The following MILR1 variants were observed in gnomAD, a reference collection of about 807,000 sequenced individuals.
MILR1 encodes allergin-1.
Under a neutral mutation model 18.5 loss-of-function variants are expected in MILR1, and 31 were observed. That is an observed-to-expected ratio of 1.68 (90% CI 1.26 to 2.26). MILR1 has a LOEUF of 2.26. Among genes scored for constraint, MILR1 ranks in the 30% most tolerant of loss-of-function variants. The pLI, the probability that MILR1 is intolerant of heterozygous loss-of-function variation, is 0.00. For synonymous variants in MILR1, 85 were observed against 56.2 expected (o/e 1.51, Z -2.30); for missense variants, 257 against 157.4 (o/e 1.63, Z -3.38).
At chr17:64,451,286 T>G (rs1200724700) in intron 2 of MILR1, among the ~76,000 whole-genome samples, 1 of 151,890 alleles carries the variant, frequency 6.6e-6, no homozygotes, top group Non-Finnish European at 1.5e-5. Flanking sequence ...GCCATACAGG[T>G]ACGCACCATC....
chr17:64,474,326 C>CA, the MILR1 span, among the ~76,000 whole-genome samples: 1 of 152,244 alleles, frequency 6.6e-6, no homozygotes, highest in East Asian at 1.9e-4. Flanking sequence ...CCACCCACCT[C>CA]AGTCTCCCAA....
chr17:64,461,555 T>A (rs1256669453), intron 5 of MILR1, among the ~76,000 whole-genome samples: 1 of 152,184 alleles, frequency 6.6e-6, no homozygotes, highest in African/African-American at 2.4e-5. Flanking sequence ...GGCTGCATCT[T>A]GAAATTCTTC....
At chr17:64,495,127 G>A in the MILR1 span, among the ~76,000 whole-genome samples, 2 of 146,308 alleles carry the variant, frequency 1.4e-5, no homozygotes, top group African/African-American at 5.1e-5. Context: ...GCAGTGAGCC[G>A]AGATTGTGCC....
intron 5 of MILR1, among the ~76,000 whole-genome samples, chr17:64,464,737 A>G (rs546607319): frequency 6.6e-6 from 1 of 152,244 alleles, no homozygotes; most frequent in East Asian, 1.9e-4. Context: ...AGCCTGGCTA[A>G]CATGGTGAAG....
chr17:64,456,161 G>A (rs1250777777), intron 3 of MILR1, among the ~76,000 whole-genome samples: 4 of 152,124 alleles, frequency 2.6e-5, no homozygotes, highest in Non-Finnish European at 5.9e-5. Flanking sequence ...TCTCTCTGAA[G>A]CACAGTTGGT....
chr17:64,470,370 A>G (rs2037669222), downstream of MILR1, among the ~76,000 whole-genome samples: 1 of 152,262 alleles, frequency 6.6e-6, no homozygotes, highest in African/African-American at 2.4e-5. Context: ...CTGGGATTAC[A>G]GGCATGAGCT....
rs782418988 is a variant in MILR1, at chr17:64,466,577, C to T, written c.911-17C>T. 1 of 1,610,970 alleles carries T rather than the reference C, an allele frequency of 6.2e-7. No individual in the cohort carries two copies. Among genetic ancestry groups the T allele is most frequent in the South Asian group, 1.1e-5 (1 of 90,418 alleles). On this transcript the variant is annotated splice_polypyrimidine_tract_variant and intron_variant, in intron 7 of 9. Transcript: ENST00000619286. ...CATAATTGGCCCAATAATTCCTATT[C>T]CTTATCTTTTGCCCAGAGGCCAAAC... is the stretch of plus-strand genomic sequence containing the variant.
At position 64,452,825 on chromosome 17, in the gene MILR1, G is replaced by A. The variant is rs1489475171; in HGVS notation, c.326G>A (p.Ser109Asn). ...TACAAATGCAAAGCCCAAGTTACCA[G>A]CTGTTCAAAATACAGTCGTGACTTC... ...GPYKCKAQVTSCSKYSRDFSF... is the reference protein window; with the variant it reads ...GPYKCKAQVTNCSKYSRDFSF... The change falls in exon 3 of 10, where the codon AGC (serine) becomes AAC (asparagine). Residue 109 changes from serine (S) to asparagine (N), a missense_variant. Coordinates refer to ENST00000619286, the MANE Select transcript of MILR1 (RefSeq NM_001085423.2). 2.1e-6 allele frequency: 1 copy of A among 475,114 alleles called. No individual in the cohort carries two copies. The highest frequency in any genetic ancestry group is 3.9e-6 in the Non-Finnish European group (1 of 259,030). The allele number at this position is 475,114 out of a possible 1,614,324, so 29.4% of individuals were successfully genotyped here. A position where few individuals can be genotyped will look rare whatever the true frequency, so the allele number is the denominator to read the frequency against.
the MILR1 span, chr17:64,487,544 G>A: frequency 6.6e-6 from 1 of 151,294 alleles, no homozygotes. Context: ...AACCCAGGAG[G>A]TGGAGGCTGC....
chr17:64,453,465 T>C (rs1233404958), intron 3 of MILR1, among the ~76,000 whole-genome samples: 5 of 151,916 alleles, frequency 3.3e-5, no homozygotes, highest in Non-Finnish European at 7.4e-5. Flanking sequence ...AAGTCTTATA[T>C]CTCAACAATA....
intron 3 of MILR1, among the ~76,000 whole-genome samples, chr17:64,453,499 C>A (rs2037220477): frequency 7.0e-6 from 1 of 143,326 alleles, no homozygotes; most frequent in Non-Finnish European, 1.5e-5. Flanking sequence ...TTTCTAGAAA[C>A]TTTATTCTGT....
At chr17:64,467,699 T>C (rs1555663730) in intron 9 of MILR1, 54 bp downstream of exon 9, 2 of 1,084,466 alleles carry the variant, frequency 1.8e-6, no homozygotes, top group Non-Finnish European at 2.7e-6. Flanking sequence ...AACTTGAGGC[T>C]GAGGCAGGTG....
rs1187409801 is a variant in MILR1, at chr17:64,457,476, CTCAG to C, written c.448_451del (p.Val150MetfsTer33). On this transcript the variant is annotated frameshift_variant, in exon 4 of 10. Transcript: ENST00000619286. LOFTEE classifies it high-confidence loss of function. The stretch of plus-strand genomic sequence containing the variant: ...ACCGACATATAACATTACATTGCCT[CTCAG>C]TCAATGGCTCGCTGCCCATCAATTA... 2 of 475,426 alleles carry C rather than the reference CTCAG, an allele frequency of 4.2e-6. No homozygotes were observed. Among genetic ancestry groups the C allele is most frequent in the Non-Finnish European group, 7.7e-6 (2 of 259,062 alleles). The allele number at this position is 475,426 out of a possible 1,614,324, so 29.5% of individuals were successfully genotyped here.
In MILR1 at chr17:64,466,535, A is replaced by G. The variant is rs1291187377; in HGVS notation, c.910+37A>G. Reference sequence around the variant, plus strand: ...CTGCAGAGTCTATTCCACTGCCCTCATGCGCTTAGAAATTCACATAATTGG... The same window carrying G: ...CTGCAGAGTCTATTCCACTGCCCTCGTGCGCTTAGAAATTCACATAATTGG... On this transcript the variant is annotated intron_variant, in intron 7 of 9. Coordinates refer to ENST00000619286, the MANE Select transcript of MILR1 (RefSeq NM_001085423.2). The G allele has an allele frequency of 3.7e-6, 6 of 1,612,372 alleles. No homozygotes were observed. The African/African-American group carries it at 5.3e-5, about 14-fold the overall frequency.
At chr17:64,449,245 G>A in intron 1 of MILR1, 22 bp downstream of exon 1, 2 of 473,564 alleles carry the variant, frequency 4.2e-6, no homozygotes, top group Non-Finnish European at 7.7e-6. Context: ...TTATCATTCT[G>A]AGGCTCGAAC....
the MILR1 span, chr17:64,485,943 C>CAAAA: frequency 5.5e-6 from 8 of 1,461,634 alleles, no homozygotes; most frequent in South Asian, 1.2e-5. Flanking sequence ...GACGGAGTCT[C>CAAAA]ACTCTGTCAC....
chr17:64,477,722 A>G, the MILR1 span: 5 of 1,250,294 alleles, frequency 4.0e-6, no homozygotes, highest in Non-Finnish European at 5.4e-6. Flanking sequence ...AAGCACCACA[A>G]ATGTCCACTT....
At chr17:64,466,078 G>A (rs2037552010) in intron 6 of MILR1, among the ~76,000 whole-genome samples, 1 of 152,192 alleles carries the variant, frequency 6.6e-6, no homozygotes, top group South Asian at 2.1e-4. Context: ...GGAAGGGGAA[G>A]CAAACACATC....
chr17:64,479,146 T>C, the MILR1 span, among the ~76,000 whole-genome samples: 28 of 151,118 alleles, frequency 1.9e-4, no homozygotes, highest in South Asian at 5.0e-3. Flanking sequence ...GCTCTAATTA[T>C]AGAAAACTAC....
Sources: allele counts gnomAD v4.1 joint callset (sites outside exome capture counted in the v4.1 genomes callset), GRCh38; gene constraint gnomAD v4.1.1; transcripts MANE v1.5; gene names NCBI Gene and HGNC (gene_info 2026-07-23, HGNC 2026-07-21).